BCAS4: variants seen among roughly 807,000 people sequenced by gnomAD.
The protein encoded by BCAS4 is breast carcinoma-amplified sequence 4.
BCAS4 carries 9 observed loss-of-function variants against 15.7 expected under a neutral mutation model. The observed-to-expected ratio is 0.57, with a 90% CI of 0.34 to 1.00. The LOEUF (loss-of-function observed/expected upper bound fraction) is 1.00. BCAS4 is among the 50% of genes least tolerant of loss of function. The probability of loss-of-function intolerance (pLI) is 0.02; values close to 1 mark genes in which losing one functional copy is unlikely to be tolerated. For synonymous variants in BCAS4, 101 were observed against 99.5 expected, an observed-to-expected ratio of 1.02 and a Z score of -0.09; for missense variants, 225 against 239.1, an observed-to-expected ratio of 0.94 and a Z score of 0.39.
At chr20:50,847,119 G>A (rs967522447) in intron 4 of BCAS4, among the ~76,000 whole-genome samples, 1 of 151,738 alleles carries the variant, frequency 6.6e-6, no homozygotes, top group African/African-American at 2.4e-5. Flanking sequence ...GCGGAAGAGC[G>A]TCGGCCACCT....
chr20:50,853,139 A>ATTTTTTTTT (rs35651267), intron 4 of BCAS4, among the ~76,000 whole-genome samples: 5 of 106,892 alleles, frequency 4.7e-5, no homozygotes, highest in African/African-American at 1.2e-4. Context: ...ATCCCCTTTC[A>ATTTTTTTTT]TTTTTTTTTT....
chr20:50,831,477 G>A (rs1484168418), intron 3 of BCAS4, among the ~76,000 whole-genome samples: 1 of 152,132 alleles, frequency 6.6e-6, no homozygotes, highest in Non-Finnish European at 1.5e-5. Context: ...GGGCTCTCCA[G>A]TCTTCCACAG....
intron 4 of BCAS4, among the ~76,000 whole-genome samples, chr20:50,855,518 T>C (rs2123828057): frequency 6.6e-6 from 1 of 151,896 alleles, no homozygotes; most frequent in Admixed American, 6.6e-5. Flanking sequence ...GTGCCCCACC[T>C]CCACCTGCAT....
intron 4 of BCAS4, among the ~76,000 whole-genome samples, chr20:50,867,719 G>C (rs1410078684): frequency 2.0e-5 from 3 of 152,192 alleles, no homozygotes; most frequent in African/African-American, 7.2e-5. Context: ...TTCGAGATCA[G>C]CCTAGTCAAC....
intron 1 of BCAS4, among the ~76,000 whole-genome samples, chr20:50,807,399 G>T (rs1486789314): frequency 6.6e-6 from 1 of 151,996 alleles, no homozygotes; most frequent in African/African-American, 2.4e-5. Flanking sequence ...TCACCATGTT[G>T]CCCAGGCTGG....
At chr20:50,817,535 T>C (rs1396910694) in intron 1 of BCAS4, among the ~76,000 whole-genome samples, 1 of 152,140 alleles carries the variant, frequency 6.6e-6, no homozygotes, top group Non-Finnish European at 1.5e-5. Flanking sequence ...CAATCTTGGC[T>C]CACTGCAGCC....
At chr20:50,854,076 C>A (rs1222638916) in intron 4 of BCAS4, among the ~76,000 whole-genome samples, 1 of 152,148 alleles carries the variant, frequency 6.6e-6, no homozygotes, top group Non-Finnish European at 1.5e-5. Flanking sequence ...ATCATAGTCC[C>A]CTCATTGCTT....
In BCAS4 at chr20:50,876,491, A is replaced by C; in HGVS notation, c.405A>C (p.Ser135=). The C allele has an allele frequency of 6.2e-7, 1 of 1,613,494 alleles. No individual in the cohort carries two copies. Among genetic ancestry groups the C allele is most frequent in the East Asian group, 2.2e-5 (1 of 44,858 alleles). ...SAGLPSFRNK[S]PAPVPVTYEL... ...TTCATTTCTTGTCATTCCAGAAGTCACCTGCACCGGTGCCCGTGACGTACG... is the reference window on the plus strand; with the variant it reads ...TTCATTTCTTGTCATTCCAGAAGTCCCCTGCACCGGTGCCCGTGACGTACG... Residue 135 remains serine, a synonymous_variant, in exon 5 of 5, where the codon TCA becomes TCC. Coordinates refer to ENST00000371608, the MANE Select transcript of BCAS4 (RefSeq NM_198799.4).
At chr20:50,855,785 G>A (rs1012299807) in intron 4 of BCAS4, among the ~76,000 whole-genome samples, 3 of 152,234 alleles carry the variant, frequency 2.0e-5, no homozygotes, top group Admixed American at 1.3e-4. Context: ...CACTTGGTAC[G>A]TGGGAACTGT....
intron 4 of BCAS4, among the ~76,000 whole-genome samples, chr20:50,873,785 AAG>A (rs920015443): frequency 8.5e-5 from 13 of 152,344 alleles, no homozygotes; most frequent in African/African-American, 3.1e-4. Context: ...AGGCTGAGCC[AAG>A]AGTGGCTGAC....
intron 3 of BCAS4, among the ~76,000 whole-genome samples, chr20:50,836,012 C>A (rs577965425): frequency 6.6e-6 from 1 of 151,374 alleles, no homozygotes; most frequent in Non-Finnish European, 1.5e-5. Flanking sequence ...CTGCCTCCCA[C>A]GTTCAAGTGA....
At chr20:50,876,441 A>C in intron 4 of BCAS4, 45 bp from the exon 5 acceptor site, 3 of 1,606,076 alleles carry the variant, frequency 1.9e-6, no homozygotes, top group Non-Finnish European at 2.6e-6. Context: ...TCATGGAACA[A>C]GTGGATCCAA....
At chr20:50,840,881 C>T (rs2088471635) in intron 3 of BCAS4, 1 of 734,630 alleles carries the variant, frequency 1.4e-6, no homozygotes. Flanking sequence ...GCAGGCTGGA[C>T]TGCAATGGCG....
At chr20:50,796,436 T>C (rs2087858189) in intron 1 of BCAS4, among the ~76,000 whole-genome samples, 1 of 135,830 alleles carries the variant, frequency 7.4e-6, no homozygotes, top group African/African-American at 2.7e-5. Flanking sequence ...TTCTCTTTTT[T>C]CTTTTTCTTT....
chr20:50,802,328 GCC>G (rs2087937374), intron 1 of BCAS4, among the ~76,000 whole-genome samples: 1 of 152,168 alleles, frequency 6.6e-6, no homozygotes, highest in African/African-American at 2.4e-5. Flanking sequence ...TGAGCTGGCC[GCC>G]TCCCTGCATC....
At chr20:50,857,780 C>A (rs1037834169) in intron 4 of BCAS4, among the ~76,000 whole-genome samples, 1 of 152,180 alleles carries the variant, frequency 6.6e-6, no homozygotes, top group African/African-American at 2.4e-5. Flanking sequence ...TAGTGGGAAG[C>A]CTCTAAGGCT....
At chr20:50,850,925 G>A (rs1978376104) in intron 4 of BCAS4, among the ~76,000 whole-genome samples, 1 of 152,200 alleles carries the variant, frequency 6.6e-6, no homozygotes, top group Non-Finnish European at 1.5e-5. Context: ...AGGCTGTAAG[G>A]GAGGTAATGA....
At chr20:50,822,839 C>A (rs981016118) in intron 2 of BCAS4, among the ~76,000 whole-genome samples, 1 of 150,850 alleles carries the variant, frequency 6.6e-6, no homozygotes, top group Non-Finnish European at 1.5e-5. Context: ...GTTGGCCAGG[C>A]TGGTCTCGAA....
chr20:50,818,072 G>A, intron 1 of BCAS4, 139 bp from the exon 2 acceptor site: 1 of 734,560 alleles, frequency 1.4e-6, no homozygotes, highest in Non-Finnish European at 2.3e-6. Flanking sequence ...TCTTTCAAAG[G>A]AGGCAGTGGA....
Sources: gnomAD v4.1 joint callset for allele counts (sites outside exome capture counted in the v4.1 genomes callset) on GRCh38, gnomAD v4.1.1 for gene constraint, MANE v1.5 for transcripts, NCBI Gene and HGNC (gene_info 2026-07-23, HGNC 2026-07-21) for gene names.